The following PPP3CC variants were observed in gnomAD, a reference collection of about 807,000 sequenced individuals.
PPP3CC encodes protein phosphatase 3 catalytic subunit gamma, also known as serine/threonine-protein phosphatase 2B catalytic subunit gamma isoform.
PPP3CC carries 35 observed loss-of-function variants against 60.3 expected under a neutral mutation model. That is an observed-to-expected ratio of 0.58 (90% confidence interval 0.44 to 0.77). The LOEUF is 0.77. PPP3CC is among the 30% of genes least tolerant of loss of function. PPP3CC has a pLI of 0.00. For missense variants in PPP3CC, 570 were observed against 628.9 expected (o/e 0.91, Z 1.00); for synonymous variants, 206 against 224.3 (o/e 0.92, Z 0.73).
At chr8:22,534,142 C>G (rs113030002) in intron 12 of PPP3CC, among the ~76,000 whole-genome samples, 1 of 145,242 alleles carries the variant, frequency 6.9e-6, no homozygotes, top group Non-Finnish European at 1.5e-5. Flanking sequence ...GAGGTTGCAG[C>G]GAGCCAAGAT....
intron 4 of PPP3CC, among the ~76,000 whole-genome samples, chr8:22,504,176 G>T (rs1004152197): frequency 6.6e-6 from 1 of 151,886 alleles, no homozygotes; most frequent in South Asian, 2.1e-4. Flanking sequence ...TATAATAGTT[G>T]TACGTATTTT....
chr8:22,533,413 A>G (rs888585374), intron 12 of PPP3CC, among the ~76,000 whole-genome samples: 2 of 152,224 alleles, frequency 1.3e-5, no homozygotes, highest in Admixed American at 6.5e-5. Context: ...TTTTTGCAAT[A>G]CACGTCTCAC....
chr8:22,446,058 T>C (rs796274402), intron 1 of PPP3CC, among the ~76,000 whole-genome samples: 1 of 152,240 alleles, frequency 6.6e-6, no homozygotes, highest in South Asian at 2.1e-4. Context: ...CTCTCTTTTA[T>C]TGCATTTTAA....
intron 1 of PPP3CC, among the ~76,000 whole-genome samples, chr8:22,466,622 T>G (rs1316046472): frequency 2.6e-5 from 4 of 152,274 alleles, no homozygotes; most frequent in Non-Finnish European, 5.9e-5. Context: ...ATAAATGTCT[T>G]CTTTTGAGAA....
At chr8:22,452,095 T>A (rs1837050755) in intron 1 of PPP3CC, among the ~76,000 whole-genome samples, 1 of 151,912 alleles carries the variant, frequency 6.6e-6, no homozygotes, top group Non-Finnish European at 1.5e-5. Flanking sequence ...ATGCGATCAA[T>A]GCTCACTGTG....
intron 3 of PPP3CC, among the ~76,000 whole-genome samples, chr8:22,489,650 A>AATATATATTATAT (rs1838323955): frequency 1.1e-5 from 1 of 93,858 alleles, no homozygotes; most frequent in Non-Finnish European, 2.0e-5. Context: ...TATAATATAC[A>AATATATATTATAT]ATAAGTATAT....
chr8:22,476,114 TGTA>T (rs1837880547), intron 3 of PPP3CC, among the ~76,000 whole-genome samples: 1 of 152,206 alleles, frequency 6.6e-6, no homozygotes, highest in Non-Finnish European at 1.5e-5. Flanking sequence ...AAAAATGAGT[TGTA>T]GTTAATTAAA....
Position 22,498,038 on chromosome 8 carries a change from C to T in PPP3CC, c.410C>T (p.Pro137Leu). ...TTATGGAGTTTAAAGATTAATCATCCCAAAACATTGTTTCTGCTTCGGGGA... is the reference window on the plus strand; with the variant it reads ...TTATGGAGTTTAAAGATTAATCATCTCAAAACATTGTTTCTGCTTCGGGGA... The part of the protein sequence containing the change: ...LYLWSLKINH[P>L]KTLFLLRGNH... Residue 137 changes from proline to leucine, a missense_variant, in exon 4 of 14, where the codon CCC becomes CTC. Pro to Leu is a moderately conservative substitution (Grantham distance 98, BLOSUM62 -3). Coordinates refer to ENST00000240139, the MANE Select transcript of PPP3CC (RefSeq NM_005605.5). 3.7e-6 allele frequency: 6 copies of T among 1,613,040 alleles called. No homozygotes were observed. Among genetic ancestry groups the T allele is most frequent in the Non-Finnish European group, 5.1e-6 (6 of 1,179,394 alleles).
intron 3 of PPP3CC, among the ~76,000 whole-genome samples, chr8:22,481,597 G>C (rs749051419): frequency 6.6e-6 from 1 of 151,326 alleles, no homozygotes; most frequent in Non-Finnish European, 1.5e-5. Flanking sequence ...AGAACATGCA[G>C]GTTTGTTACA....
chr8:22,480,213 T>C (rs974667068), intron 3 of PPP3CC, among the ~76,000 whole-genome samples: 9 of 152,228 alleles, frequency 5.9e-5, no homozygotes, highest in African/African-American at 2.2e-4. Context: ...ATTTCTATTA[T>C]AGATAGCATT....
intron 3 of PPP3CC, among the ~76,000 whole-genome samples, chr8:22,477,920 G>C (rs1270092449): frequency 6.6e-6 from 1 of 152,032 alleles, no homozygotes; most frequent in Non-Finnish European, 1.5e-5. Context: ...GCACGATCTC[G>C]GCCCACCGCA....
chr8:22,493,018 G>T, intron 3 of PPP3CC: 1 of 1,302,352 alleles, frequency 7.7e-7, no homozygotes. Context: ...CTTGCTACTG[G>T]AGAGGATGAC....
At chr8:22,511,421 C>T (rs1839084857) in intron 5 of PPP3CC, among the ~76,000 whole-genome samples, 190 bp downstream of exon 5, 1 of 152,038 alleles carries the variant, frequency 6.6e-6, no homozygotes, top group Non-Finnish European at 1.5e-5. Flanking sequence ...AGGTGCACAC[C>T]ACCACACCTG....
Position 22,443,393 on chromosome 8 carries a change from G to A in PPP3CC, c.49+1935G>A, listed in dbSNP as rs188644972. Reference sequence around the variant, plus strand: ...AAAAATTAGCTGGGCATGGTGGCGGGCACTGTAATCCCAGCTACTTGGGAG... The same window carrying A: ...AAAAATTAGCTGGGCATGGTGGCGGACACTGTAATCCCAGCTACTTGGGAG... On this transcript the variant is annotated intron_variant, in intron 1 of 13. Coordinates refer to ENST00000240139, the MANE Select transcript of PPP3CC (RefSeq NM_005605.5). 2.6e-3 allele frequency among the ~76,000 whole-genome samples: 401 copies of A among 151,844 alleles called. 1 individual carries two copies. Among genetic ancestry groups the A allele is most frequent in the South Asian group, 4.4e-3 (21 of 4,790 alleles).
rs28764006 is a variant in PPP3CC at position 22,539,544 on chromosome 8, C to T, written c.1351+46C>T. On this transcript the variant is annotated intron_variant, in intron 13 of 13. Transcript: ENST00000240139. Reference sequence around the variant, plus strand: ...TAGATGTGATCCATGTGTCTGTGTACTGGTTTTTCGAAGCTTTATCAACAT... The same window carrying T: ...TAGATGTGATCCATGTGTCTGTGTATTGGTTTTTCGAAGCTTTATCAACAT... 3,039 of 1,579,216 alleles carry T rather than the reference C, an allele frequency of 1.9e-3. 28 individuals carry two copies. In the African/African-American group the frequency reaches 0.026, roughly 14 times the overall value.
At chr8:22,443,735 C>T (rs1054488426) in intron 1 of PPP3CC, among the ~76,000 whole-genome samples, 4 of 152,156 alleles carry the variant, frequency 2.6e-5, no homozygotes, top group African/African-American at 7.2e-5. Flanking sequence ...ATAAAAACTT[C>T]GGCATAAGAG....
At chr8:22,535,147 G>C (rs1322682363) in intron 12 of PPP3CC, among the ~76,000 whole-genome samples, 1 of 152,170 alleles carries the variant, frequency 6.6e-6, no homozygotes, top group Non-Finnish European at 1.5e-5. Flanking sequence ...GGGGGTTGCA[G>C]TTTCTCAATC....
Position 22,525,842 on chromosome 8 carries a change from G to C in PPP3CC, c.944-1550G>C, listed in dbSNP as rs558040804. ...CCCAAAGTGCTGGTATTACAAGTGT[G>C]TGCCACCACACCTGGCCTCTTTCAT... On this transcript the variant is annotated intron_variant, in intron 8 of 13. Coordinates refer to ENST00000240139, the MANE Select transcript of PPP3CC (RefSeq NM_005605.5). Among the ~76,000 whole-genome samples, 134 of 142,898 alleles carry C rather than the reference G, an allele frequency of 9.4e-4. 1 individual carries two copies. Among genetic ancestry groups the C allele is most frequent in the African/African-American group, 3.4e-3 (129 of 38,224 alleles). The allele number at this position is 142,898 out of a possible 152,430, so 93.7% of individuals were successfully genotyped here.
intron 1 of PPP3CC, among the ~76,000 whole-genome samples, chr8:22,453,245 A>G (rs1035913040): frequency 2.0e-5 from 3 of 152,226 alleles, no homozygotes; most frequent in African/African-American, 4.8e-5. Flanking sequence ...TAAAAAATAA[A>G]TCAATCTTGG....
Sources: gnomAD v4.1 joint callset for allele counts (sites outside exome capture counted in the v4.1 genomes callset) on GRCh38, gnomAD v4.1.1 for gene constraint, MANE v1.5 for transcripts, NCBI Gene and HGNC (gene_info 2026-07-23, HGNC 2026-07-21) for gene names.